KIF16B: variants seen among roughly 807,000 people sequenced by gnomAD.
KIF16B encodes kinesin family member 16B.
In KIF16B, 98 loss-of-function variants were observed where a neutral mutation model predicts 156.3. The observed-to-expected ratio is 0.63, with a 90% confidence interval of 0.53 to 0.74. The LOEUF is 0.74. Ranked by LOEUF, KIF16B falls within the 30% of genes least tolerant of loss-of-function variation. The pLI, the probability that KIF16B is intolerant of heterozygous loss-of-function variation, is 0.00. For synonymous variants in KIF16B, 564 were observed against 583.7 expected (o/e 0.97, Z 0.49); for missense variants, 1,421 against 1,606.5 (o/e 0.88, Z 1.97).
At chr20:16,520,389 T>C (rs563745082) in intron 3 of KIF16B, among the ~76,000 whole-genome samples, 60 of 152,202 alleles carry the variant, frequency 3.9e-4, no homozygotes, top group African/African-American at 1.4e-3. Flanking sequence ...GGTTTTACCC[T>C]CACAGTGTAA....
intron 15 of KIF16B, among the ~76,000 whole-genome samples, chr20:16,411,929 CGT>C (rs36019156): frequency 0.067 from 8,976 of 133,804 alleles, 562 homozygotes; most frequent in African/African-American, 0.18. Context: ...GAATGTTCAA[CGT>C]GTGTGTGTGT....
intron 12 of KIF16B, among the ~76,000 whole-genome samples, chr20:16,466,547 T>C (rs914685892): frequency 6.6e-6 from 1 of 152,156 alleles, no homozygotes; most frequent in Non-Finnish European, 1.5e-5. Context: ...AAAGGGGAGT[T>C]CCCCTACACA....
At chr20:16,537,686 T>C (rs2070026601) in intron 1 of KIF16B, among the ~76,000 whole-genome samples, 1 of 147,448 alleles carries the variant, frequency 6.8e-6, no homozygotes, top group Non-Finnish European at 1.5e-5. Flanking sequence ...ATGTTCTTTT[T>C]CTTTTTTTCT....
chr20:16,500,044 A>G (rs2068572745), intron 10 of KIF16B, among the ~76,000 whole-genome samples: 1 of 152,072 alleles, frequency 6.6e-6, no homozygotes, highest in South Asian at 2.1e-4. Flanking sequence ...CTTGCCTCAC[A>G]CCCTCATCAA....
At chr20:16,554,918 G>T (rs1044429985) in intron 1 of KIF16B, among the ~76,000 whole-genome samples, 2 of 152,206 alleles carry the variant, frequency 1.3e-5, no homozygotes, top group Non-Finnish European at 2.9e-5. Context: ...CAGTCAGCAC[G>T]CCTGGCTGTG....
chr20:16,306,523 G>A lies in KIF16B; in HGVS notation c.3795+5812C>T, dbSNP rs576670322. On this transcript the variant is annotated intron_variant, in intron 25 of 25. Transcript: ENST00000354981. ...ATCTTACAGGTTGAAAGACAGACTG[G>A]TATTACAGCAAGAGTTCCGGTATCT... Among the ~76,000 whole-genome samples, 10 of 152,240 alleles carry A rather than the reference G, an allele frequency of 6.6e-5. No homozygotes were observed. In the East Asian group the frequency reaches 1.9e-3, roughly 29 times the overall value.
chr20:16,416,316 C>A (rs1266106543), intron 15 of KIF16B, among the ~76,000 whole-genome samples: 1 of 152,126 alleles, frequency 6.6e-6, no homozygotes. Context: ...ATTGCCTACA[C>A]TTTCTTCTAA....
chr20:16,497,876 T>C (rs1238973331), intron 10 of KIF16B, among the ~76,000 whole-genome samples, 198 bp from the exon 11 acceptor site: 3 of 152,196 alleles, frequency 2.0e-5, no homozygotes, highest in Non-Finnish European at 2.9e-5. Context: ...TTCAAAACCA[T>C]GGCATCCCAG....
intron 24 of KIF16B, among the ~76,000 whole-genome samples, chr20:16,329,573 T>C (rs2063914351): frequency 6.6e-6 from 1 of 152,202 alleles, no homozygotes; most frequent in Non-Finnish European, 1.5e-5. Flanking sequence ...TATCTGAGGC[T>C]CTCACAATCT....
chr20:16,501,988 TTTTGGGGGATA>T (rs2068640136), intron 10 of KIF16B, among the ~76,000 whole-genome samples: 1 of 152,170 alleles, frequency 6.6e-6, no homozygotes, highest in African/African-American at 2.4e-5. Flanking sequence ...TAACTTGCAA[TTTTGGGGGATA>T]ATACGTCAAT....
intron 23 of KIF16B, among the ~76,000 whole-genome samples, chr20:16,343,022 C>A (rs4813215): frequency 8.1e-4 from 123 of 152,162 alleles, no homozygotes; most frequent in Non-Finnish European, 1.5e-3. Flanking sequence ...AAATGGGGTG[C>A]TGATGCAGAG....
chr20:16,326,912 A>C (rs1465923617), intron 24 of KIF16B, among the ~76,000 whole-genome samples: 1 of 151,836 alleles, frequency 6.6e-6, no homozygotes, highest in Non-Finnish European at 1.5e-5. Flanking sequence ...AATTGCAAAA[A>C]CATGGAATCA....
chr20:16,528,220 G>A (rs1425446843), intron 2 of KIF16B, 151 bp downstream of exon 2: 5 of 617,182 alleles, frequency 8.1e-6, no homozygotes, highest in Non-Finnish European at 1.1e-5. Flanking sequence ...CTTCAAGACT[G>A]AGCCCAAGCC....
intron 1 of KIF16B, among the ~76,000 whole-genome samples, chr20:16,561,621 AT>A (rs1485920875): frequency 8.5e-5 from 13 of 152,140 alleles, no homozygotes; most frequent in Admixed American, 7.9e-4. Context: ...GAAAAAAAAA[AT>A]AAAACATTAC....
intron 12 of KIF16B, among the ~76,000 whole-genome samples, chr20:16,436,252 A>C (rs2066637625): frequency 6.6e-6 from 1 of 152,048 alleles, no homozygotes; most frequent in Admixed American, 6.6e-5. Flanking sequence ...TTTCTAGTTG[A>C]CTGAGTAGTC....
chr20:16,499,395 G>A (rs2068551401), intron 10 of KIF16B, among the ~76,000 whole-genome samples: 1 of 152,192 alleles, frequency 6.6e-6, no homozygotes, highest in Non-Finnish European at 1.5e-5. Flanking sequence ...TTAGACAGGT[G>A]TCATCCCACT....
At chr20:16,291,060 C>G (rs6034444) in intron 25 of KIF16B, among the ~76,000 whole-genome samples, 1 of 152,162 alleles carries the variant, frequency 6.6e-6, no homozygotes. Flanking sequence ...ACATCCAGCA[C>G]AGTACTTTGC....
At chr20:16,450,643 G>C (rs886177656) in intron 12 of KIF16B, among the ~76,000 whole-genome samples, 2 of 152,148 alleles carry the variant, frequency 1.3e-5, no homozygotes, top group Admixed American at 1.3e-4. Context: ...CTCCCTCTCT[G>C]GGCTGTGAGT....
chr20:16,567,922 A>C (rs576720776), intron 1 of KIF16B, among the ~76,000 whole-genome samples: 2 of 152,340 alleles, frequency 1.3e-5, no homozygotes, highest in East Asian at 3.9e-4. Context: ...ACTGCACTCC[A>C]GCCTGGGCAA....
Sources: gnomAD v4.1 joint callset for allele counts (sites outside exome capture counted in the v4.1 genomes callset) on GRCh38, gnomAD v4.1.1 for gene constraint, MANE v1.5 for transcripts, NCBI Gene and HGNC (gene_info 2026-07-23, HGNC 2026-07-21) for gene names.